The following ZBTB20 variants were observed in gnomAD, a reference collection of about 807,000 sequenced individuals.
ZBTB20 encodes the protein zinc finger and BTB domain containing 20.
A neutral mutation model predicts 56.9 loss-of-function variants in ZBTB20; 9 were observed. The ratio of observed to expected loss-of-function variants is 0.16; its 90% CI spans 0.10 to 0.28. The LOEUF (loss-of-function observed/expected upper bound fraction) is 0.28, where lower values mean the gene tolerates loss of function less well. Ranked by LOEUF, ZBTB20 falls within the 10% of genes least tolerant of loss-of-function variation. The pLI is 1.00. For synonymous variants in ZBTB20, 417 were observed against 420.7 expected, an observed-to-expected ratio of 0.99 and a Z score of 0.11; for missense variants, 655 against 1,003.0, an observed-to-expected ratio of 0.65 and a Z score of 4.69.
chr3:114,665,741 T>G (rs2061011122), intron 6 of ZBTB20, among the ~76,000 whole-genome samples: 1 of 152,014 alleles, frequency 6.6e-6, no homozygotes, highest in Non-Finnish European at 1.5e-5. Context: ...ACAAATTATT[T>G]TGCGGTATTA....
chr3:115,118,766 G>T (rs2084097175), intron 1 of ZBTB20, among the ~76,000 whole-genome samples: 1 of 132,220 alleles, frequency 7.6e-6, no homozygotes, highest in Non-Finnish European at 1.5e-5. Context: ...GCCCAGGCTG[G>T]ATGGAGTGCA....
At chr3:114,451,193 A>G (rs894973340) in intron 7 of ZBTB20, among the ~76,000 whole-genome samples, 3 of 136,598 alleles carry the variant, frequency 2.2e-5, no homozygotes, top group Non-Finnish European at 3.3e-5. Flanking sequence ...TTTCAAGCTT[A>G]ACAGAGGATG....
intron 5 of ZBTB20, among the ~76,000 whole-genome samples, chr3:114,701,040 TGA>T (rs1199177486): frequency 6.6e-6 from 1 of 152,202 alleles, no homozygotes; most frequent in African/African-American, 2.4e-5. Context: ...AGTTAATCAA[TGA>T]GCTTAATCTA....
chr3:114,948,180 T>G (rs2076947488), intron 3 of ZBTB20, among the ~76,000 whole-genome samples: 1 of 144,438 alleles, frequency 6.9e-6, no homozygotes, highest in African/African-American at 2.9e-5. Flanking sequence ...ATAACAAAAA[T>G]CCTATGATCT....
intron 7 of ZBTB20, among the ~76,000 whole-genome samples, chr3:114,416,337 A>C (rs567454936): frequency 1.2e-3 from 183 of 152,118 alleles, no homozygotes; most frequent in African/African-American, 4.3e-3. Flanking sequence ...AAAAAAAAAA[A>C]AAAAAACAAC....
intron 2 of ZBTB20, among the ~76,000 whole-genome samples, chr3:115,055,187 ATCTCTC>A (rs58480744): frequency 2.1e-4 from 22 of 103,184 alleles, no homozygotes; most frequent in Middle Eastern, 5.6e-3. Context: ...CCTCCTGGTA[ATCTCTC>A]TCTCTCTCTC....
Position 114,339,804 on chromosome 3 carries a change from A to G in ZBTB20, c.1805-378T>C, listed in dbSNP as rs942531927. Among the ~76,000 whole-genome samples the G allele has an allele frequency of 6.6e-6, 1 of 152,210 alleles. No individual in the cohort carries two copies. Among genetic ancestry groups the G allele is most frequent in the African/African-American group, 2.4e-5 (1 of 41,460 alleles). On this transcript the variant is annotated intron_variant, in intron 11 of 11. Transcript: ENST00000675478. This position sits in a 1 kb window ranked among gnomAD's most constrained non-coding sequence, Gnocchi z 4.2. ...AGGGGATTTAGTGTTTCCCATTAAC[A>G]TTATCAAACAAATAGAAGAAATAAG...
intron 3 of ZBTB20, among the ~76,000 whole-genome samples, chr3:114,941,059 C>T (rs2076707482): frequency 6.8e-6 from 1 of 146,280 alleles, no homozygotes; most frequent in Non-Finnish European, 1.5e-5. Flanking sequence ...CAAAGGATGT[C>T]AGTAAGTTAC....
intron 5 of ZBTB20, among the ~76,000 whole-genome samples, chr3:114,748,343 T>C (rs375028124): frequency 0.033 from 3,135 of 95,534 alleles, 50 homozygotes; most frequent in Middle Eastern, 0.052. Flanking sequence ...TCTTCTTTCT[T>C]TCTTTCTTTT....
intron 1 of ZBTB20, among the ~76,000 whole-genome samples, chr3:115,085,730 G>A (rs1027046637): frequency 3.3e-5 from 5 of 151,862 alleles, no homozygotes; most frequent in African/African-American, 1.2e-4. Flanking sequence ...CGAGTGATAA[G>A]AAACTTTTGT....
chr3:114,802,145 A>C (rs1367298040), intron 4 of ZBTB20, among the ~76,000 whole-genome samples: 2 of 151,922 alleles, frequency 1.3e-5, no homozygotes, highest in Non-Finnish European at 2.9e-5. Flanking sequence ...TAAAATATAA[A>C]ATGAGGTAAT....
intron 7 of ZBTB20, among the ~76,000 whole-genome samples, chr3:114,440,510 C>T (rs2090841797): frequency 6.6e-6 from 1 of 152,100 alleles, no homozygotes; most frequent in Non-Finnish European, 1.5e-5. Flanking sequence ...CTTCTCTCTG[C>T]TTCTCCTCTG....
rs1296453884 is a variant in ZBTB20, at chr3:114,329,413, T to C, written c.*9592A>G. 1 of 152,034 alleles carries C rather than the reference T, an allele frequency of 6.6e-6. No homozygotes were observed. Among genetic ancestry groups the C allele is most frequent in the Non-Finnish European group, 1.5e-5 (1 of 67,996 alleles). 9.4% of individuals were successfully genotyped at this position (152,034 alleles called of 1,614,324 possible). A position where few individuals can be genotyped will look rare whatever the true frequency, so the allele number is the denominator to read the frequency against. ...CAACTGAGGCTTTCCATGCATTGGG[T>C]TGAATAGCTGAGGGAAGCTGAAGAC... is the stretch of plus-strand genomic sequence containing the variant. On this transcript the variant is annotated 3_prime_UTR_variant, in exon 12 of 12. Transcript: ENST00000675478.
chr3:114,593,923 ACAGT>A (rs1266420898), intron 6 of ZBTB20, among the ~76,000 whole-genome samples: 2 of 152,138 alleles, frequency 1.3e-5, no homozygotes, highest in African/African-American at 4.8e-5. Context: ...TTCCTGCCAG[ACAGT>A]CAGACAGCTA....
chr3:114,636,587 A>C (rs1293232118), intron 6 of ZBTB20, among the ~76,000 whole-genome samples: 1 of 152,102 alleles, frequency 6.6e-6, no homozygotes, highest in African/African-American at 2.4e-5. Flanking sequence ...ATCAAATTTA[A>C]GTTGCTATCA....
intron 6 of ZBTB20, among the ~76,000 whole-genome samples, chr3:114,548,517 C>CTTTTTTTTTTTTTTTTT (rs71146327): frequency 6.9e-6 from 1 of 145,002 alleles, no homozygotes; most frequent in African/African-American, 2.5e-5. Flanking sequence ...TTTTTATTTT[C>CTTTTTTTTTTTTTTTTT]TTTTTTTTTT....
intron 5 of ZBTB20, among the ~76,000 whole-genome samples, chr3:114,699,826 T>C (rs1338770910): frequency 1.3e-5 from 2 of 152,124 alleles, no homozygotes; most frequent in Admixed American, 6.6e-5. Context: ...CTTCATTTTA[T>C]ATATGAAGAT....
At chr3:114,991,779 T>G (rs1009912876) in intron 2 of ZBTB20, among the ~76,000 whole-genome samples, 3 of 152,138 alleles carry the variant, frequency 2.0e-5, no homozygotes, top group Non-Finnish European at 4.4e-5. Context: ...TTTATGAATC[T>G]GGGTGCTCCT....
intron 6 of ZBTB20, among the ~76,000 whole-genome samples, chr3:114,692,053 G>C (rs936455720): frequency 6.6e-6 from 1 of 152,050 alleles, no homozygotes; most frequent in African/African-American, 2.4e-5. Context: ...GATTTTATCT[G>C]ATCATAGAAA....
Sources: gnomAD v4.1 joint callset for allele counts (sites outside exome capture counted in the v4.1 genomes callset) on GRCh38, gnomAD v4.1.1 for gene constraint, Gnocchi (gnomAD v3.1) non-coding constraint, MANE v1.5 for transcripts, NCBI Gene and HGNC (gene_info 2026-07-23, HGNC 2026-07-21) for gene names.